Variants in NPIPA1 observed in about 807,000 individuals in gnomAD.
NPIPA1 encodes the protein nuclear pore complex interacting protein family member A1, also known as nuclear pore complex-interacting protein family member A1.
For synonymous variants in NPIPA1, 7 were observed against 88.0 expected (o/e 0.08, Z 5.15); for missense variants, 22 against 232.2 (o/e 0.09, Z 5.88).
At chr16:14,938,733 G>C (rs1965684581) in intron 1 of NPIPA1, among the ~76,000 whole-genome samples, 1 of 151,948 alleles carries the variant, frequency 6.6e-6, no homozygotes, top group South Asian at 2.1e-4. Context: ...GTGTCATCTG[G>C]TTTGATGACT....
intron 1 of NPIPA1, among the ~76,000 whole-genome samples, chr16:14,940,504 G>T (rs1965724502): frequency 6.9e-6 from 1 of 145,944 alleles, no homozygotes; most frequent in African/African-American, 2.5e-5. Context: ...GTCAGGAGTT[G>T]GAGACCAGCC....
intron 4 of NPIPA1, among the ~76,000 whole-genome samples, chr16:14,947,323 A>C (rs1294263099): frequency 6.6e-6 from 1 of 152,124 alleles, no homozygotes; most frequent in Non-Finnish European, 1.5e-5. Context: ...GGGGATGGTC[A>C]GGGGTCCTCC....
chr16:14,947,065 G>A (rs1188937970), intron 4 of NPIPA1, among the ~76,000 whole-genome samples: 1 of 152,134 alleles, frequency 6.6e-6, no homozygotes, highest in Admixed American at 6.5e-5. Context: ...GACCTCAGGT[G>A]ATCTGCCTAC....
chr16:14,952,034 A>G lies in NPIPA1; in HGVS notation c.*9A>G. On this transcript the variant is annotated 3_prime_UTR_variant, in exon 8 of 8. Coordinates refer to ENST00000328085, the MANE Select transcript of NPIPA1 (RefSeq NM_006985.4). ...TAATCTCAAGAAACTAAGGAAGAAT[A>G]AATAAATAATATAAAAATAAAATGA... 3 of 1,575,138 alleles carry G rather than the reference A, an allele frequency of 1.9e-6. No homozygotes were observed. In the Admixed American group the frequency reaches 5.6e-5, roughly 29 times the overall value.
chr16:14,945,272 CAG>C (rs1188774470), intron 2 of NPIPA1, among the ~76,000 whole-genome samples: 4 of 79,462 alleles, frequency 5.0e-5, no homozygotes, highest in African/African-American at 1.2e-4. Flanking sequence ...GTGTGTGAGA[CAG>C]AGTCTCATTC....
chr16:14,946,162 CTTGT>C (rs1309350825), intron 4 of NPIPA1, among the ~76,000 whole-genome samples, 181 bp downstream of exon 4: 1 of 90,506 alleles, frequency 1.1e-5, no homozygotes, highest in Admixed American at 1.5e-4. Flanking sequence ...TTCCTACATT[CTTGT>C]TTGTCATTTT....
chr16:14,940,230 T>C (rs1437832274), intron 1 of NPIPA1, among the ~76,000 whole-genome samples: 1 of 97,134 alleles, frequency 1.0e-5, no homozygotes, highest in Non-Finnish European at 2.1e-5. Context: ...ATTCGATACT[T>C]ATTTGTGAAT....
intron 1 of NPIPA1, chr16:14,938,215 A>T: frequency 6.8e-7 from 1 of 1,476,782 alleles, no homozygotes; most frequent in East Asian, 3.7e-5. Flanking sequence ...GGACCAGGAC[A>T]TGCGGGTGCG....
intron 1 of NPIPA1, chr16:14,938,397 A>G (rs1597169094): frequency 8.1e-7 from 1 of 1,233,728 alleles, no homozygotes; most frequent in African/African-American, 1.7e-5. Context: ...CTTCCTTTTT[A>G]CTGGGCTGTG....
chr16:14,943,071 T>C lies in NPIPA1; in HGVS notation c.192+1131T>C, dbSNP rs1342277604. 3.3e-5 allele frequency among the ~76,000 whole-genome samples: 5 copies of C among 152,346 alleles called. No homozygotes were observed. The East Asian group carries it at 7.7e-4, about 23-fold the overall frequency. On this transcript the variant is annotated intron_variant, in intron 2 of 7. Coordinates refer to ENST00000328085, the MANE Select transcript of NPIPA1 (RefSeq NM_006985.4). ...ACAGAAAATATATGAGTTATGAAGATATCTAGGCACATTTAACATTCTCTA... is the reference window on the plus strand; with the variant it reads ...ACAGAAAATATATGAGTTATGAAGACATCTAGGCACATTTAACATTCTCTA...
At chr16:14,943,714 C>G (rs1210542311) in intron 2 of NPIPA1, among the ~76,000 whole-genome samples, 1 of 151,564 alleles carries the variant, frequency 6.6e-6, no homozygotes, top group Non-Finnish European at 1.5e-5. Flanking sequence ...TGAAATCTAG[C>G]AGTAGCTGTG....
At chr16:14,947,688 A>C (rs1292742832) in intron 4 of NPIPA1, among the ~76,000 whole-genome samples, 1 of 152,090 alleles carries the variant, frequency 6.6e-6, no homozygotes, top group Non-Finnish European at 1.5e-5. Context: ...TGATGTATTC[A>C]ATCATGGGTT....
In NPIPA1 at chr16:14,940,422, C is replaced by T. The variant is rs149980532; in HGVS notation, c.64-1390C>T. On this transcript the variant is annotated intron_variant, in intron 1 of 7. Transcript: ENST00000328085. ...AAACAAATAACTAAAGAAAAGATAA[C>T]TACTGGCCAGGTGCAGTGGCTCACA... is the stretch of plus-strand genomic sequence containing the variant. Among the ~76,000 whole-genome samples, 1,036 of 152,058 alleles carry T rather than the reference C, an allele frequency of 6.8e-3. 20 individuals are homozygous for T. Among genetic ancestry groups the T allele is most frequent in the African/African-American group, 0.024 (993 of 41,372 alleles).
chr16:14,942,998 CTAGA>C (rs1965788511), intron 2 of NPIPA1, among the ~76,000 whole-genome samples: 3 of 152,274 alleles, frequency 2.0e-5, no homozygotes, highest in African/African-American at 7.2e-5. Flanking sequence ...GTTTTACCGC[CTAGA>C]TAATTACACG....
chr16:14,944,933 C>T (rs1965846199), intron 2 of NPIPA1, among the ~76,000 whole-genome samples: 1 of 130,670 alleles, frequency 7.7e-6, no homozygotes. Flanking sequence ...TTTTTTGAGA[C>T]AGAGTTTGAA....
intron 2 of NPIPA1, among the ~76,000 whole-genome samples, chr16:14,944,965 G>A (rs1319687125): frequency 9.4e-5 from 14 of 148,436 alleles, no homozygotes; most frequent in African/African-American, 3.5e-4. Flanking sequence ...ATGTTGGAGT[G>A]CAATGGCACA....
At chr16:14,946,229 CTTTTTT>C (rs1166253398) in intron 4 of NPIPA1, among the ~76,000 whole-genome samples, 2 of 89,886 alleles carry the variant, frequency 2.2e-5, no homozygotes, top group Non-Finnish European at 4.2e-5. Flanking sequence ...TTCTCTCTCT[CTTTTTT>C]TTTTTTTTTC....
In NPIPA1 at chr16:14,945,267, T is replaced by TGTGTGTGA. The variant is rs1349396254; in HGVS notation, c.193-306_193-305insTGTGTGAG. ...GTGTGTGTGTGTGTGTGTGTGTGTG[T>TGTGTGTGA]GAGACAGAGTCTCATTCTGTCACTC... On this transcript the variant is annotated intron_variant, in intron 2 of 7. Coordinates refer to ENST00000328085, the MANE Select transcript of NPIPA1 (RefSeq NM_006985.4). Among the ~76,000 whole-genome samples the TGTGTGTGA allele has an allele frequency of 3.2e-3, 427 of 131,994 alleles. 14 individuals are homozygous for TGTGTGTGA. The highest frequency in any genetic ancestry group is 0.012 in the African/African-American group (411 of 35,006). The allele number at this position is 131,994 out of a possible 152,430, so 86.6% of individuals were successfully genotyped here. A position where few individuals can be genotyped will look rare whatever the true frequency, so the allele number is the denominator to read the frequency against.
intron 4 of NPIPA1, among the ~76,000 whole-genome samples, chr16:14,948,255 T>C (rs1298977416): frequency 6.6e-6 from 1 of 152,224 alleles, no homozygotes; most frequent in Non-Finnish European, 1.5e-5. Flanking sequence ...CGTTGTCACC[T>C]ATTTTCAGGA....
Sources: allele counts gnomAD v4.1 joint callset (sites outside exome capture counted in the v4.1 genomes callset), GRCh38; gene constraint gnomAD v4.1.1; transcripts MANE v1.5; gene names NCBI Gene and HGNC (gene_info 2026-07-23, HGNC 2026-07-21).